Variants in TCEA3 observed in about 807,000 individuals in gnomAD.
TCEA3 encodes the protein transcription elongation factor A protein 3.
TCEA3 carries 36 observed loss-of-function variants against 44.0 expected under a neutral mutation model. That is an observed-to-expected ratio of 0.82 (90% confidence interval 0.63 to 1.08). The LOEUF (loss-of-function observed/expected upper bound fraction) is 1.08, where lower values mean the gene tolerates loss of function less well. Among genes scored for constraint, TCEA3 ranks in the 50% least tolerant of loss-of-function variants. The probability of loss-of-function intolerance (pLI) is 0.00; values close to 1 mark genes in which losing one functional copy is unlikely to be tolerated. For missense variants in TCEA3, 392 were observed against 441.2 expected, an observed-to-expected ratio of 0.89 and a Z score of 1.00; for synonymous variants, 162 against 159.7, an observed-to-expected ratio of 1.01 and a Z score of -0.11.
intron 4 of TCEA3, among the ~76,000 whole-genome samples, chr1:23,415,014 C>CTTT (rs59946326): frequency 9.3e-5 from 4 of 43,114 alleles, no homozygotes; most frequent in African/African-American, 3.3e-4. Context: ...CTTTACTGTT[C>CTTT]TTTTTTTTTT....
intron 8 of TCEA3, among the ~76,000 whole-genome samples, chr1:23,388,682 C>A (rs6424124): frequency 0.87 from 132,924 of 151,988 alleles, 58,462 homozygotes; most frequent in Non-Finnish European, 0.92. Context: ...TTTTAAAGTT[C>A]TTTATTTGGT....
chr1:23,396,721 C>T (rs375185893), intron 7 of TCEA3, among the ~76,000 whole-genome samples: 10 of 151,828 alleles, frequency 6.6e-5, no homozygotes, highest in South Asian at 4.2e-4. Context: ...GAGGGCAGGG[C>T]GCTGGGTGTG....
chr1:23,387,476 C>T (rs1322886405), intron 8 of TCEA3, 57 bp from the exon 9 acceptor site: 3 of 1,507,584 alleles, frequency 2.0e-6, no homozygotes, highest in East Asian at 2.5e-5. Context: ...CCCTGCCCTA[C>T]ACCCGGTTTC....
At chr1:23,414,395 CTTTTGTTTTG>C (rs1173537635) in intron 4 of TCEA3, among the ~76,000 whole-genome samples, 2 of 150,082 alleles carry the variant, frequency 1.3e-5, no homozygotes, top group Non-Finnish European at 3.0e-5. Flanking sequence ...TGGCCCTTAT[CTTTTGTTTTG>C]TTTTGTTTTG....
chr1:23,383,649 A>G lies in TCEA3; in HGVS notation c.1038+697T>C, dbSNP rs146824236. The G allele has an allele frequency of 1.7e-5, 17 of 985,486 alleles. No homozygotes were observed. In the African/African-American group the frequency reaches 2.3e-4, roughly 13 times the overall value. 61.0% of individuals were successfully genotyped at this position (985,486 alleles called of 1,614,324 possible). ...ACCTTAGAACTTTTGGAGCACCTGC[A>G]GCCTGCCTGGTGGCCCAGACATCAC... On this transcript the variant is annotated intron_variant, in intron 10 of 10. Coordinates refer to ENST00000450454, the MANE Select transcript of TCEA3 (RefSeq NM_003196.3).
intron 8 of TCEA3, among the ~76,000 whole-genome samples, chr1:23,393,388 A>G (rs1308440632): frequency 6.6e-6 from 1 of 151,676 alleles, no homozygotes; most frequent in Non-Finnish European, 1.5e-5. Flanking sequence ...TACATACCAC[A>G]CATGCACTCC....
intron 5 of TCEA3, among the ~76,000 whole-genome samples, chr1:23,405,045 G>A (rs1570266341): frequency 6.6e-6 from 1 of 152,238 alleles, no homozygotes; most frequent in East Asian, 1.9e-4. Flanking sequence ...CCCTGGACCT[G>A]CATTTCCCCA....
chr1:23,392,416 A>AATACACACACACTCCACACATC (rs1639068659), intron 8 of TCEA3, among the ~76,000 whole-genome samples: 1 of 3,192 alleles, frequency 3.1e-4, no homozygotes, highest in Non-Finnish European at 5.4e-4. Flanking sequence ...CATCATGCAC[A>AATACACACACACTCCACACATC]ATACACACAC....
chr1:23,394,107 G>C, intron 7 of TCEA3, 74 bp from the exon 8 acceptor site: 2 of 1,555,832 alleles, frequency 1.3e-6, no homozygotes, highest in Non-Finnish European at 1.7e-6. Flanking sequence ...TGACGCCTGA[G>C]AGCTCCAGAA....
chr1:23,419,357 A>C (rs1462776298), intron 1 of TCEA3: 1 of 375,366 alleles, frequency 2.7e-6, no homozygotes, highest in Admixed American at 4.5e-5. Flanking sequence ...CCTCTGAGCC[A>C]GGCTCCTGAC....
rs376328602 is a variant in TCEA3, at chr1:23,387,434, G to A, written c.820-15C>T. 27 of 1,584,422 alleles carry A rather than the reference G, an allele frequency of 1.7e-5. No individual in the cohort carries two copies. In the South Asian group the frequency reaches 3.0e-4, roughly 18 times the overall value. ...CTGGCCATTTCCTGGAGAAAAAAGA[G>A]TCTACCCTTCAGGGCTGAGGAGTTT... On this transcript the variant is annotated splice_polypyrimidine_tract_variant and intron_variant, in intron 8 of 10. Transcript: ENST00000450454.
chr1:23,394,032 ATG>A lies in TCEA3; in HGVS notation c.665-1_665del. 1 of 1,613,962 alleles carries A rather than the reference ATG, an allele frequency of 6.2e-7. No individual in the cohort carries two copies. Among genetic ancestry groups the A allele is most frequent in the Non-Finnish European group, 8.5e-7 (1 of 1,179,870 alleles). On this transcript the variant is annotated splice_acceptor_variant and coding_sequence_variant, in exon 8 of 11. Coordinates refer to ENST00000450454, the MANE Select transcript of TCEA3 (RefSeq NM_003196.3). LOFTEE classifies it high-confidence loss of function. Reference sequence around the variant, plus strand: ...CCGTGCTCTTGAGCTCTTGGTAGATATGTGACACAGTCAAGGGCCGGCCAGCC... The same window carrying A: ...CCGTGCTCTTGAGCTCTTGGTAGATATGACACAGTCAAGGGCCGGCCAGCC...
At chr1:23,392,989 A>C (rs1410823680) in intron 8 of TCEA3, among the ~76,000 whole-genome samples, 2 of 152,046 alleles carry the variant, frequency 1.3e-5, no homozygotes, top group Non-Finnish European at 2.9e-5. Flanking sequence ...TATCCAACTC[A>C]CCATAATGTA....
intron 9 of TCEA3, among the ~76,000 whole-genome samples, chr1:23,384,650 T>A (rs1009028469): frequency 3.3e-5 from 5 of 151,068 alleles, no homozygotes; most frequent in African/African-American, 1.2e-4. Context: ...AACCTGGCCT[T>A]TTGCACTTCC....
At chr1:23,418,953 C>T (rs1639974716) in intron 2 of TCEA3, 124 bp downstream of exon 2, 1 of 726,652 alleles carries the variant, frequency 1.4e-6, no homozygotes, top group Admixed American at 3.4e-5. Context: ...ACCTCAAGAT[C>T]CCCTCCCCAC....
intron 8 of TCEA3, 137 bp downstream of exon 8, chr1:23,393,742 G>C (rs568794458): frequency 4.4e-5 from 51 of 1,162,130 alleles, no homozygotes; most frequent in East Asian, 2.8e-4. Flanking sequence ...CAGAGCCCAG[G>C]GGGGAGGCTG....
chr1:23,402,421 T>A (rs75673594), intron 5 of TCEA3, among the ~76,000 whole-genome samples: 105 of 152,276 alleles, frequency 6.9e-4, no homozygotes, highest in Non-Finnish European at 1.2e-3. Context: ...CACTTTCTGA[T>A]GTAATCTCAT....
intron 4 of TCEA3, 119 bp from the exon 5 acceptor site, chr1:23,408,845 C>G: frequency 3.4e-6 from 3 of 878,330 alleles, no homozygotes; most frequent in Non-Finnish European, 3.5e-6. Context: ...GAAGCCCACC[C>G]GGGCCACAGC....
intron 8 of TCEA3, among the ~76,000 whole-genome samples, chr1:23,390,982 G>C (rs964453513): frequency 6.6e-6 from 1 of 151,924 alleles, no homozygotes; most frequent in Non-Finnish European, 1.5e-5. Flanking sequence ...AAAGAATGAG[G>C]GAGTCAGGTA....
Sources: allele counts gnomAD v4.1 joint callset (sites outside exome capture counted in the v4.1 genomes callset), GRCh38; gene constraint gnomAD v4.1.1; transcripts MANE v1.5; gene names NCBI Gene and HGNC (gene_info 2026-07-23, HGNC 2026-07-21).